The following HIVEP2 variants were observed in gnomAD, a reference collection of about 807,000 sequenced individuals.
HIVEP2 encodes transcription factor HIVEP2.
HIVEP2 carries 14 observed loss-of-function variants against 180.7 expected under a neutral mutation model. That is an observed-to-expected ratio of 0.08 (90% CI 0.05 to 0.12). The LOEUF (loss-of-function observed/expected upper bound fraction) is 0.12, where lower values mean the gene tolerates loss of function less well. HIVEP2 is among the 10% of genes least tolerant of loss of function. HIVEP2 has a pLI of 1.00. For synonymous variants in HIVEP2, 1,184 were observed against 1,136.4 expected (o/e 1.04, Z -0.84); for missense variants, 2,579 against 3,008.5 (o/e 0.86, Z 3.34).
chr6:142,916,759 G>A (rs888476808), intron 1 of HIVEP2, among the ~76,000 whole-genome samples: 2 of 152,186 alleles, frequency 1.3e-5, no homozygotes, highest in Admixed American at 1.3e-4. Flanking sequence ...GTCCTCCAAT[G>A]AGGACTGAAA....
chr6:142,764,448 T>A (rs1775330721), intron 7 of HIVEP2, among the ~76,000 whole-genome samples: 1 of 152,246 alleles, frequency 6.6e-6, no homozygotes, highest in African/African-American at 2.4e-5. Flanking sequence ...GCTGCCTTGC[T>A]TCTCTAATAC....
chr6:142,794,142 T>C (rs1349436628), intron 2 of HIVEP2: 1 of 152,190 alleles, frequency 6.6e-6, no homozygotes, highest in Non-Finnish European at 1.5e-5. Flanking sequence ...AAGATCTAAA[T>C]CTGTGGCCAT....
At position 142,753,331 on chromosome 6, in the gene HIVEP2, T is replaced by C; in HGVS notation, c.7117A>G (p.Ser2373Gly). 1 of 1,614,194 alleles carries C rather than the reference T, an allele frequency of 6.2e-7. No homozygotes were observed. The highest frequency in any genetic ancestry group is 8.5e-7 in the Non-Finnish European group (1 of 1,180,034). ...CAGGGCTGACCTGGCTCAGGTCTAC[T>C]AAAGTGTCTAATGCTAACATGTGCA... is the stretch of plus-strand genomic sequence containing the variant. ...GSAHVSIRHF[S>G]RPEPGQPCTS... The change falls in exon 10 of 10, where the codon AGT becomes GGT. Residue 2373 changes from serine to glycine, a missense_variant. Physicochemically the swap from Ser to Gly is moderately conservative, Grantham distance 56. Coordinates refer to ENST00000367603, the MANE Select transcript of HIVEP2 (RefSeq NM_006734.4).
At position 142,771,698 on chromosome 6, in the gene HIVEP2, T is replaced by C; in HGVS notation, c.3041A>G (p.Tyr1014Cys). 1.9e-6 allele frequency: 3 copies of C among 1,614,028 alleles called. No individual in the cohort carries two copies. Among genetic ancestry groups the C allele is most frequent in the Non-Finnish European group, 2.5e-6 (3 of 1,180,008 alleles). Reference protein sequence around the residue: ...SEFLTVPAGSYSLSVPGHHHQ... With the variant: ...SEFLTVPAGSCSLSVPGHHHQ... ...GTGATGGCCTGGGACAGACAATGAG[T>C]ATGAACCAGCAGGGACAGTCAGAAA... The change falls in exon 5 of 10, where the codon TAC becomes TGC. Residue 1014 changes from tyrosine (Y) to cysteine (C), a missense_variant. This residue lies in a region of HIVEP2 where 523 missense variants were observed against 577.0 expected (regional missense o/e 0.91). Transcript: ENST00000367603. This position sits in a 1 kb window ranked among gnomAD's most constrained non-coding sequence, Gnocchi z 5.4.
intron 9 of HIVEP2, among the ~76,000 whole-genome samples, chr6:142,759,316 A>G (rs1434590275): frequency 1.3e-5 from 2 of 152,128 alleles, no homozygotes; most frequent in Non-Finnish European, 1.5e-5. Flanking sequence ...AAAAATAAAT[A>G]AAATAAAAAT....
At chr6:142,796,099 T>C (rs991849453) in intron 2 of HIVEP2, among the ~76,000 whole-genome samples, 2 of 152,122 alleles carry the variant, frequency 1.3e-5, no homozygotes, top group Admixed American at 6.6e-5. Context: ...TTGATACTAA[T>C]GAACAAAGCA....
At chr6:142,892,270 A>G (rs2128421372) in intron 1 of HIVEP2, among the ~76,000 whole-genome samples, 1 of 152,322 alleles carries the variant, frequency 6.6e-6, no homozygotes, top group South Asian at 2.1e-4. Context: ...AACTAAGAAC[A>G]TTTCCACCAT....
intron 2 of HIVEP2, among the ~76,000 whole-genome samples, chr6:142,823,579 C>G (rs1777099664): frequency 6.6e-6 from 1 of 152,266 alleles, no homozygotes. Flanking sequence ...TCTCGCATAA[C>G]AAGTGTAACC....
rs573995822 is a variant in HIVEP2, at chr6:142,928,858, A to G, written c.-641+16241T>C. Among the ~76,000 whole-genome samples, 5 of 152,182 alleles carry G rather than the reference A, an allele frequency of 3.3e-5. No individual in the cohort carries two copies. The South Asian group carries it at 1.0e-3, about 32-fold the overall frequency. ...AACTGCAACCACTTCTTTACTTCCC[A>G]GTGGCCAGTGCCCCTGAGTGTGAGT... is the stretch of plus-strand genomic sequence containing the variant. On this transcript the variant is annotated intron_variant, in intron 1 of 9. Transcript: ENST00000367603.
intron 2 of HIVEP2, among the ~76,000 whole-genome samples, chr6:142,809,295 C>A (rs1174743115): frequency 6.6e-6 from 1 of 152,160 alleles, no homozygotes; most frequent in African/African-American, 2.4e-5. Context: ...CTGGCACCAT[C>A]TTTTCCCTGA....
At chr6:142,896,313 A>G (rs1254386927) in intron 1 of HIVEP2, among the ~76,000 whole-genome samples, 1 of 151,980 alleles carries the variant, frequency 6.6e-6, no homozygotes, top group Non-Finnish European at 1.5e-5. Context: ...TTCTTTCACT[A>G]TTGTCTCTGA....
At chr6:142,917,158 C>G (rs1197632266) in intron 1 of HIVEP2, among the ~76,000 whole-genome samples, 3 of 152,178 alleles carry the variant, frequency 2.0e-5, no homozygotes, top group Non-Finnish European at 4.4e-5. Context: ...TACTCTTATT[C>G]CAATAGTCCA....
At chr6:142,863,368 A>G (rs1030943370) in intron 1 of HIVEP2, among the ~76,000 whole-genome samples, 13 of 151,968 alleles carry the variant, frequency 8.6e-5, no homozygotes, top group Admixed American at 6.6e-4. Flanking sequence ...TGACATTAAC[A>G]CATTAAGACT....
chr6:142,791,230 G>T (rs1190650503), intron 2 of HIVEP2, among the ~76,000 whole-genome samples: 1 of 152,102 alleles, frequency 6.6e-6, no homozygotes, highest in African/African-American at 2.4e-5. Context: ...TTCAGAAATT[G>T]ACATGAGGTT....
chr6:142,920,290 A>G (rs1341333498), intron 1 of HIVEP2, among the ~76,000 whole-genome samples: 1 of 152,180 alleles, frequency 6.6e-6, no homozygotes, highest in Non-Finnish European at 1.5e-5. Context: ...TTATCTTTGT[A>G]TCTCCGAAGT....
In HIVEP2 at chr6:142,777,652, A is replaced by G. The variant is rs575273356; in HGVS notation, c.-432-1461T>C. ...AACAAGAGCAAAACTCCATCTCAAA[A>G]AAAAAAAAAAAAAAAAAAAAAAAAA... On this transcript the variant is annotated intron_variant, in intron 3 of 9. Coordinates refer to ENST00000367603, the MANE Select transcript of HIVEP2 (RefSeq NM_006734.4). Among the ~76,000 whole-genome samples the G allele has an allele frequency of 3.5e-3, 74 of 20,918 alleles. No individual in the cohort carries two copies. The South Asian group carries it at 0.037, about 10-fold the overall frequency. 13.7% of individuals were successfully genotyped at this position (20,918 alleles called of 152,430 possible).
At position 142,878,377 on chromosome 6, in the gene HIVEP2, C is replaced by T. The variant is rs561831651; in HGVS notation, c.-640-41330G>A. Among the ~76,000 whole-genome samples the T allele has an allele frequency of 4.9e-4, 75 of 152,256 alleles. No individual in the cohort carries two copies. In the South Asian group the frequency reaches 0.013, roughly 26 times the overall value. On this transcript the variant is annotated intron_variant, in intron 1 of 9. Transcript: ENST00000367603. Reference sequence around the variant, plus strand: ...CAAACGATTCACAGCTAAATGGCAACGAATTTATACATCCATTAAGATAAC... The same window carrying T: ...CAAACGATTCACAGCTAAATGGCAATGAATTTATACATCCATTAAGATAAC...
intron 2 of HIVEP2, among the ~76,000 whole-genome samples, chr6:142,793,629 T>TTTCCTTC (rs60970953): frequency 1.8e-5 from 2 of 111,614 alleles, no homozygotes; most frequent in African/African-American, 7.1e-5. Context: ...CTTCTCTTTC[T>TTTCCTTC]TTCTTTCTTT....
At chr6:142,776,525 G>A (rs1230442534) in intron 3 of HIVEP2, among the ~76,000 whole-genome samples, 1 of 125,018 alleles carries the variant, frequency 8.0e-6, no homozygotes, top group Non-Finnish European at 1.7e-5. Flanking sequence ...TTGAGATACA[G>A]GCGTTTTTTG....
Sources: allele counts gnomAD v4.1 joint callset (sites outside exome capture counted in the v4.1 genomes callset), GRCh38; gene constraint gnomAD v4.1.1; regional missense constraint gnomAD v4.1.1; non-coding constraint Gnocchi (gnomAD v3.1); transcripts MANE v1.5; gene names NCBI Gene and HGNC (gene_info 2026-07-23, HGNC 2026-07-21).